The following ADGRD2 variants were observed in gnomAD, a reference collection of about 807,000 sequenced individuals.
The protein encoded by ADGRD2 is G protein-coupled receptor PGR24.
In ADGRD2, 71 loss-of-function variants were observed where a neutral mutation model predicts 44.4. That is an observed-to-expected ratio of 1.60 (90% confidence interval 1.32 to 1.95). The LOEUF (loss-of-function observed/expected upper bound fraction) is 1.95, where lower values mean the gene tolerates loss of function less well. ADGRD2 is among the 30% of genes most tolerant of loss of function. The pLI, the probability that ADGRD2 is intolerant of heterozygous loss-of-function variation, is 0.00. For missense variants in ADGRD2, 1,039 were observed against 512.4 expected, an observed-to-expected ratio of 2.03 and a Z score of -9.92; for synonymous variants, 481 against 224.8, an observed-to-expected ratio of 2.14 and a Z score of -10.19.
At position 124,454,201 on chromosome 9, in the gene ADGRD2, T is replaced by G; in HGVS notation, c.1022+104T>G. 5.0e-6 allele frequency: 3 copies of G among 601,074 alleles called. No individual in the cohort carries two copies. The East Asian group carries it at 8.4e-5, about 17-fold the overall frequency. 37.2% of individuals were successfully genotyped at this position (601,074 alleles called of 1,614,324 possible). ...GCTGGCAAAGTCTGGGAATTCAGAATAAACTCAGAGCTTCAAGGTCTCCAT... is the reference window on the plus strand; with the variant it reads ...GCTGGCAAAGTCTGGGAATTCAGAAGAAACTCAGAGCTTCAAGGTCTCCAT... On this transcript the variant is annotated intron_variant, in intron 4 of 21. Transcript: ENST00000334810. This position sits in a 1 kb window ranked among gnomAD's most constrained non-coding sequence, Gnocchi z 4.5.
intron 14 of ADGRD2, among the ~76,000 whole-genome samples, 155 bp downstream of exon 17, chr9:124,468,827 A>G (rs1831884050): frequency 6.6e-6 from 1 of 152,024 alleles, no homozygotes; most frequent in Non-Finnish European, 1.5e-5. Context: ...CCACCCAGCC[A>G]GTCCCATCTC....
upstream of ADGRD2, chr9:124,451,997 G>GCCGGGGGGGCC: frequency 2.8e-6 from 1 of 360,938 alleles, no homozygotes; most frequent in East Asian, 9.0e-5. Context: ...TCCACTGAAT[G>GCCGGGGGGGCC]CCCCCCTCCC....
intron 11 of ADGRD2, 27 bp from the exon 15 acceptor site, chr9:124,467,694 G>T (rs929680154): frequency 1.4e-6 from 1 of 717,532 alleles, no homozygotes; most frequent in Non-Finnish European, 2.6e-6. Context: ...GGTGGTGCCA[G>T]GGGGGTTTCT....
chr9:124,455,636 T>C (rs2131231570), intron 6 of ADGRD2, among the ~76,000 whole-genome samples: 1 of 151,740 alleles, frequency 6.6e-6, no homozygotes, highest in African/African-American at 2.4e-5. Context: ...TGTAGTTAAA[T>C]GAAGTGATTA....
At chr9:124,476,148 GC>G (rs966112306) in intron 19 of ADGRD2, among the ~76,000 whole-genome samples, 4 of 152,170 alleles carry the variant, frequency 2.6e-5, no homozygotes, top group Admixed American at 1.3e-4. Context: ...TCGAGGTCAG[GC>G]CAGGGGTTCC....
chr9:124,453,060 G>T (rs755140821), exon 3 of ADGRD2: 7 of 677,328 alleles, frequency 1.0e-5, no homozygotes, highest in Non-Finnish European at 1.6e-5. Context: ...CCGTGCTGGT[G>T]TTCGACGAGA....
intron 10 of ADGRD2, chr9:124,465,807 G>T (rs1040630827): frequency 2.0e-5 from 3 of 152,838 alleles, no homozygotes; most frequent in African/African-American, 7.2e-5. Context: ...TGTTACCCAG[G>T]GGGTAGTGAG....
At chr9:124,476,924 C>A in intron 21 of ADGRD2, 2 of 706,212 alleles carry the variant, frequency 2.8e-6, no homozygotes, top group Non-Finnish European at 5.2e-6. Context: ...GAGAGTAGGT[C>A]ATGGAACCCT....
chr9:124,454,632 G>C lies in ADGRD2; in HGVS notation c.1108+63G>C. The C allele has an allele frequency of 1.4e-6, 1 of 692,122 alleles. No individual in the cohort carries two copies. The highest frequency in any genetic ancestry group is 2.0e-5 in the Admixed American group (1 of 49,508). 42.9% of individuals were successfully genotyped at this position (692,122 alleles called of 1,614,324 possible). The stretch of plus-strand genomic sequence containing the variant: ...CCATGGGTCACCTCGCTGCACCTCA[G>C]TTTCCTCCCTTGTAAAGGGGACACC... On this transcript the variant is annotated intron_variant, in intron 5 of 21. Transcript: ENST00000334810. This position sits in a 1 kb window ranked among gnomAD's most constrained non-coding sequence, Gnocchi z 4.5.
chr9:124,470,824 C>T (rs1180109407), intron 17 of ADGRD2, among the ~76,000 whole-genome samples: 2 of 152,240 alleles, frequency 1.3e-5, no homozygotes, highest in South Asian at 2.1e-4. Flanking sequence ...AGGAGGCTCA[C>T]GGGGCCCCTC....
chr9:124,469,100 C>T, intron 14 of ADGRD2, 122 bp from the exon 18 acceptor site: 1 of 614,900 alleles, frequency 1.6e-6, no homozygotes, highest in Non-Finnish European at 2.9e-6. Flanking sequence ...CTCCTTGGAC[C>T]TCCCCAGTGC....
upstream of ADGRD2, chr9:124,451,398 G>C (rs113796531): frequency 3.1e-3 from 1,153 of 366,222 alleles, 8 homozygotes; most frequent in African/African-American, 0.023. Context: ...TCCCTGCTTC[G>C]GTCCTGAAGG....
At chr9:124,458,907 T>C (rs985319177) in intron 10 of ADGRD2, among the ~76,000 whole-genome samples, 186 bp downstream of exon 13, 1 of 152,234 alleles carries the variant, frequency 6.6e-6, no homozygotes, top group Non-Finnish European at 1.5e-5. Context: ...GGTCACCTTA[T>C]GGCAGGTGCC....
chr9:124,467,957 C>G (rs958702065), intron 12 of ADGRD2, 131 bp from the exon 16 acceptor site: 1 of 700,324 alleles, frequency 1.4e-6, no homozygotes, highest in African/African-American at 1.8e-5. Context: ...TTAGGATGTG[C>G]TGGGTCCCCT....
chr9:124,476,281 C>A, intron 19 of ADGRD2, 76 bp from the exon 23 acceptor site: 1 of 644,846 alleles, frequency 1.6e-6, no homozygotes, highest in South Asian at 1.7e-5. Context: ...ATCCTGAGGG[C>A]CCCACTCCCA....
intron 10 of ADGRD2, among the ~76,000 whole-genome samples, chr9:124,461,188 G>T (rs1373411483): frequency 6.6e-6 from 1 of 151,946 alleles, no homozygotes; most frequent in Non-Finnish European, 1.5e-5. Flanking sequence ...ATATATTTTG[G>T]ATACAAGTCC....
chr9:124,456,767 C>T (rs1831625936), intron 7 of ADGRD2, 34 bp downstream of exon 10: 5 of 704,186 alleles, frequency 7.1e-6, no homozygotes, highest in Non-Finnish European at 1.3e-5. Context: ...CACGGCTGGA[C>T]TCAGACCTCC....
intron 17 of ADGRD2, among the ~76,000 whole-genome samples, chr9:124,474,205 T>G (rs113451775): frequency 0.12 from 17,376 of 148,758 alleles, 3,047 homozygotes; most frequent in African/African-American, 0.38. Context: ...AACCCAGGAG[T>G]TGGAGGTTGC....
chr9:124,458,096 C>T lies in ADGRD2; in HGVS notation c.1641-17C>T. On this transcript the variant is annotated splice_polypyrimidine_tract_variant and intron_variant, in intron 8 of 21. Coordinates refer to ENST00000334810, the Ensembl canonical transcript of ADGRD2. ...CAGCCACCGGGTGGTGCCTTGGTGC[C>T]CCTTCCTCTCAGCCAGGCCTCTCTG... 3 of 718,328 alleles carry T rather than the reference C, an allele frequency of 4.2e-6. No homozygotes were observed. Among genetic ancestry groups the T allele is most frequent in the Non-Finnish European group, 7.8e-6 (3 of 384,970 alleles). The allele number at this position is 718,328 out of a possible 1,614,324, so 44.5% of individuals were successfully genotyped here.
Sources: gnomAD v4.1 joint callset for allele counts (sites outside exome capture counted in the v4.1 genomes callset) on GRCh38, gnomAD v4.1.1 for gene constraint, Gnocchi (gnomAD v3.1) non-coding constraint, MANE v1.5 for transcripts, NCBI Gene and HGNC (gene_info 2026-07-23, HGNC 2026-07-21) for gene names.